Variants in EMC2 observed in about 807,000 individuals in gnomAD.
EMC2 encodes TPR repeat protein 35.
A neutral mutation model predicts 51.6 loss-of-function variants in EMC2; 37 were observed. That is an observed-to-expected ratio of 0.72 (90% CI 0.55 to 0.94). The LOEUF is 0.94. Among genes scored for constraint, EMC2 ranks in the 40% least tolerant of loss-of-function variants. EMC2 has a pLI of 0.00. For missense variants in EMC2, 359 were observed against 350.9 expected (o/e 1.02, Z -0.18); for synonymous variants, 131 against 112.4 (o/e 1.17, Z -1.04).
chr8:108,451,767 A>G (rs1057422663), intron 3 of EMC2, among the ~76,000 whole-genome samples: 2 of 152,216 alleles, frequency 1.3e-5, no homozygotes. Context: ...AGATAACACT[A>G]TTGATTAATA....
Position 108,481,266 on chromosome 8 carries a change from A to G in EMC2, c.807+2156A>G, listed in dbSNP as rs77756551. Among the ~76,000 whole-genome samples the G allele has an allele frequency of 6.0e-3, 921 of 152,264 alleles. 10 individuals are homozygous for G. Among genetic ancestry groups the G allele is most frequent in the African/African-American group, 0.021 (876 of 41,552 alleles). Reference sequence around the variant, plus strand: ...ACAAATGTAGTGCCTCCATAATCACATCATTGAAAGTCACCTTTGTGTATT... The same window carrying G: ...ACAAATGTAGTGCCTCCATAATCACGTCATTGAAAGTCACCTTTGTGTATT... On this transcript the variant is annotated intron_variant, in intron 10 of 10. Coordinates refer to ENST00000220853, the MANE Select transcript of EMC2 (RefSeq NM_014673.5).
At chr8:108,455,551 C>T (rs1010026658) in intron 4 of EMC2, among the ~76,000 whole-genome samples, 8 of 152,066 alleles carry the variant, frequency 5.3e-5, no homozygotes, top group Non-Finnish European at 4.4e-5. Flanking sequence ...TACATCTGGT[C>T]CTGATGCTTG....
chr8:108,476,747 A>G, intron 8 of EMC2, 35 bp from the exon 9 acceptor site: 1 of 903,966 alleles, frequency 1.1e-6, no homozygotes, highest in Non-Finnish European at 1.9e-6. Flanking sequence ...AAGTAGTAAA[A>G]TAAACAGTTT....
intron 1 of EMC2, chr8:108,446,384 A>G (rs1818878560): frequency 2.9e-6 from 1 of 340,760 alleles, no homozygotes. Context: ...TACAGATTGA[A>G]TTTGGGTTGA....
rs1811131928 is a variant in EMC2, at chr8:108,486,042, G to A, written c.808-470G>A. ...GAGCTACTTTAAATAATTTTAGAGAGTACTTGCAACTTTAAAATGTTTAGT... is the reference window on the plus strand; with the variant it reads ...GAGCTACTTTAAATAATTTTAGAGAATACTTGCAACTTTAAAATGTTTAGT... On this transcript the variant is annotated intron_variant, in intron 10 of 10. Transcript: ENST00000220853. Among the ~76,000 whole-genome samples the A allele has an allele frequency of 3.3e-5, 5 of 151,822 alleles. No homozygotes were observed. In the South Asian group the frequency reaches 1.0e-3, roughly 32 times the overall value.
intron 1 of EMC2, among the ~76,000 whole-genome samples, chr8:108,448,403 A>G (rs1818932095): frequency 6.6e-6 from 1 of 152,056 alleles, no homozygotes; most frequent in Non-Finnish European, 1.5e-5. Flanking sequence ...CTCATCTTGT[A>G]GCACCCATAA....
intron 5 of EMC2, among the ~76,000 whole-genome samples, chr8:108,466,063 C>T (rs1197371900): frequency 6.6e-6 from 1 of 152,122 alleles, no homozygotes; most frequent in Non-Finnish European, 1.5e-5. Context: ...CATATATTAT[C>T]CCATTAATTG....
At chr8:108,456,745 G>A (rs965832745) in intron 5 of EMC2, among the ~76,000 whole-genome samples, 5 of 152,104 alleles carry the variant, frequency 3.3e-5, no homozygotes, top group African/African-American at 7.2e-5. Flanking sequence ...ATAGTTTATT[G>A]CCATAATAGA....
chr8:108,483,327 C>T (rs1811079621), intron 10 of EMC2, among the ~76,000 whole-genome samples: 1 of 152,050 alleles, frequency 6.6e-6, no homozygotes, highest in South Asian at 2.1e-4. Context: ...CCCTTACCAG[C>T]CCCCCACTCA....
chr8:108,457,235 C>T (rs571074778), intron 5 of EMC2, among the ~76,000 whole-genome samples: 12 of 151,942 alleles, frequency 7.9e-5, no homozygotes, highest in Non-Finnish European at 1.3e-4. Flanking sequence ...AGTCTTTTCC[C>T]ACCCCAGGGA....
At chr8:108,472,457 A>T (rs1054560405) in intron 7 of EMC2, among the ~76,000 whole-genome samples, 28 of 151,650 alleles carry the variant, frequency 1.8e-4, no homozygotes, top group Admixed American at 1.7e-3. Flanking sequence ...AGAGAAAATG[A>T]TAATTATGGT....
In EMC2 at chr8:108,485,463, AAT is replaced by A. The variant is rs935981302; in HGVS notation, c.808-1041_808-1040del. On this transcript the variant is annotated intron_variant, in intron 10 of 10. Transcript: ENST00000220853. ...ATAATTAATATATATACATATATAT[AAT>A]ATATATAGGTAACATATATATATAA... Among the ~76,000 whole-genome samples the A allele has an allele frequency of 6.2e-5, 9 of 145,992 alleles. No individual in the cohort carries two copies. The South Asian group carries it at 6.3e-4, about 10-fold the overall frequency.
At chr8:108,480,743 TC>T (rs1202450096) in intron 10 of EMC2, among the ~76,000 whole-genome samples, 1 of 152,184 alleles carries the variant, frequency 6.6e-6, no homozygotes, top group Non-Finnish European at 1.5e-5. Context: ...TCTGCCCTGT[TC>T]AGTTTGGTTT....
At chr8:108,478,012 T>A (rs1810978488) in intron 9 of EMC2, among the ~76,000 whole-genome samples, 1 of 151,968 alleles carries the variant, frequency 6.6e-6, no homozygotes, top group Non-Finnish European at 1.5e-5. Flanking sequence ...ACTCCAGAGT[T>A]TTTCTCGTAA....
At chr8:108,447,833 G>GA (rs1218369944) in intron 1 of EMC2, among the ~76,000 whole-genome samples, 2 of 152,148 alleles carry the variant, frequency 1.3e-5, no homozygotes, top group African/African-American at 4.8e-5. Flanking sequence ...GCAGGAAGGT[G>GA]AAAGGGTAAA....
At chr8:108,475,841 G>C (rs541639255) in intron 7 of EMC2, 41 bp from the exon 8 acceptor site, 1 of 1,163,244 alleles carries the variant, frequency 8.6e-7, no homozygotes, top group East Asian at 2.4e-5. Flanking sequence ...ATAAAAATTT[G>C]TGACTTTAAA....
At chr8:108,485,149 G>T (rs1811110895) in intron 10 of EMC2, among the ~76,000 whole-genome samples, 1 of 151,714 alleles carries the variant, frequency 6.6e-6, no homozygotes, top group African/African-American at 2.4e-5. Context: ...CCTGAAGCTT[G>T]TTACTTCTAT....
Position 108,469,814 on chromosome 8 carries a change from G to A in EMC2, c.364-12G>A, listed in dbSNP as rs1017458296. ...CATAAGGGCCTAATCCTTTATTAAT[G>A]TCAACCCACAGGCTGCAAGAAAGCG... On this transcript the variant is annotated splice_polypyrimidine_tract_variant and intron_variant, in intron 5 of 10. Transcript: ENST00000220853. 2 of 1,611,458 alleles carry A rather than the reference G, an allele frequency of 1.2e-6. No homozygotes were observed. Among genetic ancestry groups the A allele is most frequent in the Non-Finnish European group, 1.7e-6 (2 of 1,177,950 alleles).
intron 5 of EMC2, among the ~76,000 whole-genome samples, chr8:108,458,743 A>G (rs553607942): frequency 2.6e-5 from 4 of 152,130 alleles, no homozygotes; most frequent in African/African-American, 9.6e-5. Flanking sequence ...TGCCATGAAG[A>G]CCTCTGACAT....
Sources: allele counts gnomAD v4.1 joint callset (sites outside exome capture counted in the v4.1 genomes callset), GRCh38; gene constraint gnomAD v4.1.1; transcripts MANE v1.5; gene names NCBI Gene and HGNC (gene_info 2026-07-23, HGNC 2026-07-21).